Variants in ADGRL3 observed in about 807,000 individuals in gnomAD.
The protein encoded by ADGRL3 is calcium-independent alpha-latrotoxin receptor 3.
ADGRL3 carries 62 observed loss-of-function variants against 153.5 expected under a neutral mutation model. The observed-to-expected ratio is 0.40, with a 90% CI of 0.33 to 0.50. ADGRL3 has a LOEUF of 0.50. Among genes scored for constraint, ADGRL3 ranks in the 20% least tolerant of loss-of-function variants. The pLI is 0.47. For missense variants in ADGRL3, 1,641 were observed against 1,859.4 expected, an observed-to-expected ratio of 0.88 and a Z score of 2.16; for synonymous variants, 710 against 672.5, an observed-to-expected ratio of 1.06 and a Z score of -0.86.
At chr4:61,295,035 T>A (rs1462661603) in intron 1 of ADGRL3, among the ~76,000 whole-genome samples, 1 of 152,030 alleles carries the variant, frequency 6.6e-6, no homozygotes, top group Admixed American at 6.6e-5. Flanking sequence ...AAATAAACAA[T>A]TCATATGTTT....
intron 4 of ADGRL3, among the ~76,000 whole-genome samples, chr4:61,576,375 C>A (rs1478026117): frequency 6.6e-6 from 1 of 151,638 alleles, no homozygotes; most frequent in South Asian, 2.1e-4. Flanking sequence ...GCTAGTCTAT[C>A]ACATCCTGAT....
intron 8 of ADGRL3, among the ~76,000 whole-genome samples, chr4:61,763,129 T>A (rs2096932634): frequency 6.6e-6 from 1 of 152,152 alleles, no homozygotes; most frequent in South Asian, 2.1e-4. Flanking sequence ...CATAAAGATT[T>A]TTTTTCTTTA....
intron 1 of ADGRL3, among the ~76,000 whole-genome samples, chr4:61,339,127 T>C (rs2095749846): frequency 3.3e-5 from 5 of 152,182 alleles, no homozygotes. Context: ...AACTTCAGTC[T>C]TTTCTAATCT....
intron 2 of ADGRL3, among the ~76,000 whole-genome samples, chr4:61,475,539 G>A (rs912636982): frequency 3.9e-5 from 6 of 152,126 alleles, no homozygotes; most frequent in Admixed American, 1.3e-4. Flanking sequence ...GGAAATGTTA[G>A]CAAAGCCACT....
At chr4:61,475,120 A>C (rs2098028991) in intron 2 of ADGRL3, among the ~76,000 whole-genome samples, 1 of 152,322 alleles carries the variant, frequency 6.6e-6, no homozygotes, top group East Asian at 1.9e-4. Flanking sequence ...TTCTGAACGG[A>C]GTTATCCCAA....
chr4:61,716,254 A>G (rs1212122487), intron 6 of ADGRL3, among the ~76,000 whole-genome samples: 1 of 152,114 alleles, frequency 6.6e-6, no homozygotes, highest in Admixed American at 6.6e-5. Context: ...GAACCTTTTA[A>G]AAATCTTAAT....
intron 9 of ADGRL3, among the ~76,000 whole-genome samples, chr4:61,850,212 T>C (rs975568783): frequency 1.3e-5 from 2 of 152,152 alleles, no homozygotes; most frequent in Admixed American, 6.6e-5. Flanking sequence ...ATGCTACTTA[T>C]CTCCTTTTAT....
chr4:61,217,780 C>T (rs1025267505), intron 1 of ADGRL3, among the ~76,000 whole-genome samples: 3 of 152,182 alleles, frequency 2.0e-5, no homozygotes, highest in African/African-American at 7.2e-5. Context: ...CCTACTCATT[C>T]TTACCCTTAT....
At chr4:62,012,231 C>T (rs2099189899) in intron 21 of ADGRL3, among the ~76,000 whole-genome samples, 1 of 152,092 alleles carries the variant, frequency 6.6e-6, no homozygotes, top group Non-Finnish European at 1.5e-5. Context: ...ATACTCAAAA[C>T]GTAGTCATAG....
In ADGRL3 at chr4:61,811,987, C is replaced by A. The variant is rs569384302; in HGVS notation, c.1400-1822C>A. ...ATATTTGTATTTACAATATTACATA[C>A]GATATTACGATATTGTAGTTACGAT... On this transcript the variant is annotated intron_variant, in intron 8 of 26. Coordinates refer to ENST00000683033, the MANE Select transcript of ADGRL3 (RefSeq NM_001387552.1). 9.2e-5 allele frequency among the ~76,000 whole-genome samples: 14 copies of A among 152,054 alleles called. No homozygotes were observed. The East Asian group carries it at 2.5e-3, about 27-fold the overall frequency.
chr4:61,786,571 C>CA (rs2097278675), intron 8 of ADGRL3, among the ~76,000 whole-genome samples: 1 of 152,130 alleles, frequency 6.6e-6, no homozygotes, highest in African/African-American at 2.4e-5. Flanking sequence ...CTGCTATTGC[C>CA]ATTAGCCATC....
At chr4:61,353,549 T>C (rs1320430096) in intron 1 of ADGRL3, among the ~76,000 whole-genome samples, 1 of 151,906 alleles carries the variant, frequency 6.6e-6, no homozygotes, top group Non-Finnish European at 1.5e-5. Flanking sequence ...GTATCCCTTG[T>C]AGCTGGGACT....
intron 1 of ADGRL3, among the ~76,000 whole-genome samples, chr4:61,267,180 C>A (rs1578045757): frequency 6.6e-6 from 1 of 151,656 alleles, no homozygotes; most frequent in African/African-American, 2.4e-5. Context: ...TCATAATAAC[C>A]TTTTCTAAAA....
chr4:61,413,628 G>T (rs967889201), intron 2 of ADGRL3, among the ~76,000 whole-genome samples: 2 of 152,066 alleles, frequency 1.3e-5, no homozygotes, highest in African/African-American at 4.8e-5. Context: ...TTACTACATT[G>T]CCCCTTTCCT....
At chr4:61,645,786 A>G (rs4860421) in intron 5 of ADGRL3, among the ~76,000 whole-genome samples, 150,608 of 151,842 alleles carry the variant, frequency 0.99, 74,707 homozygotes, top group Middle Eastern at 1. Flanking sequence ...TTCTTGAGGA[A>G]TATCTTTGTG....
In ADGRL3 at chr4:61,658,509, ATAAGT is replaced by A. The variant is rs2094503025; in HGVS notation, c.474-18312_474-18308del. On this transcript the variant is annotated intron_variant, in intron 5 of 26. Coordinates refer to ENST00000683033, the MANE Select transcript of ADGRL3 (RefSeq NM_001387552.1). ...AGAGTCATTTTGAAGATTACACAAG[ATAAGT>A]TAAGGAAAACATATTGCATAGTGTT... is the stretch of plus-strand genomic sequence containing the variant. 2.6e-5 allele frequency among the ~76,000 whole-genome samples: 4 copies of A among 152,282 alleles called. No individual in the cohort carries two copies. The Middle Eastern group carries it at 0.01, about 388-fold the overall frequency.
chr4:62,049,811 G>A (rs756047717), intron 25 of ADGRL3, among the ~76,000 whole-genome samples: 3 of 152,086 alleles, frequency 2.0e-5, no homozygotes, highest in African/African-American at 2.4e-5. Flanking sequence ...TTAATCCAGA[G>A]ACCTCTGGCA....
intron 9 of ADGRL3, among the ~76,000 whole-genome samples, chr4:61,858,251 C>G (rs1349099663): frequency 1.3e-5 from 2 of 152,142 alleles, no homozygotes; most frequent in African/African-American, 4.8e-5. Flanking sequence ...TCCCTCACTG[C>G]TCAGTTCTGT....
intron 10 of ADGRL3, among the ~76,000 whole-genome samples, chr4:61,893,291 TGA>T (rs1487645704): frequency 6.6e-6 from 1 of 152,166 alleles, no homozygotes; most frequent in East Asian, 1.9e-4. Flanking sequence ...AGGTAACCTG[TGA>T]GACCTGCACT....
Sources: gnomAD v4.1 joint callset for allele counts (sites outside exome capture counted in the v4.1 genomes callset) on GRCh38, gnomAD v4.1.1 for gene constraint, MANE v1.5 for transcripts, NCBI Gene and HGNC (gene_info 2026-07-23, HGNC 2026-07-21) for gene names.